TMPRSS11F: variants seen among roughly 807,000 people sequenced by gnomAD.
TMPRSS11F encodes the protein transmembrane protease serine 11F.
Under a neutral mutation model 60.2 loss-of-function variants are expected in TMPRSS11F, and 47 were observed. The observed-to-expected ratio is 0.78, with a 90% CI of 0.62 to 1.00. The LOEUF is 1.00. Ranked by LOEUF, TMPRSS11F falls within the 50% of genes least tolerant of loss-of-function variation. The pLI, the probability that TMPRSS11F is intolerant of heterozygous loss-of-function variation, is 0.00. For missense variants in TMPRSS11F, 519 were observed against 522.9 expected (o/e 0.99, Z 0.07); for synonymous variants, 166 against 167.3 (o/e 0.99, Z 0.06).
chr4:68,097,487 G>C (rs961370337), intron 2 of TMPRSS11F, among the ~76,000 whole-genome samples: 6 of 151,818 alleles, frequency 4.0e-5, no homozygotes, highest in Non-Finnish European at 7.4e-5. Flanking sequence ...GTTATATTTA[G>C]GACCTATCCA....
rs1560389816 is a variant in TMPRSS11F at position 68,056,441 on chromosome 4, TAGCAAAAAAAAA to T, written c.1159-2386_1159-2375del. On this transcript the variant is annotated intron_variant, in intron 9 of 9. Coordinates refer to ENST00000356291, the MANE Select transcript of TMPRSS11F (RefSeq NM_207407.2). ...ATTTACAATAGCAACAAAAAAAAAA[TAGCAAAAAAAAA>T]AAAACACTTGGGAGTAAATTTAACT... 2.2e-3 allele frequency among the ~76,000 whole-genome samples: 252 copies of T among 112,492 alleles called. 2 individuals are homozygous for T. Among genetic ancestry groups the T allele is most frequent in the African/African-American group, 8.4e-3 (246 of 29,414 alleles). 73.8% of individuals were successfully genotyped at this position (112,492 alleles called of 152,430 possible).
chr4:68,060,272 C>A (rs188323860), intron 8 of TMPRSS11F, among the ~76,000 whole-genome samples: 1 of 150,434 alleles, frequency 6.6e-6, no homozygotes, highest in Admixed American at 6.6e-5. Flanking sequence ...CTTTGGGAAG[C>A]GGAGGCGGGC....
intron 1 of TMPRSS11F, among the ~76,000 whole-genome samples, chr4:68,103,700 C>T (rs1724239986): frequency 6.6e-6 from 1 of 151,996 alleles, no homozygotes; most frequent in African/African-American, 2.4e-5. Context: ...TGAAGAATGC[C>T]AATGAGATTT....
rs112080826 is a variant in TMPRSS11F at position 68,085,556 on chromosome 4, C to G, written c.282+4967G>C. ...AAACAATCAGCTAACATGACAGGAA[C>G]AAAATATCATATATCAACACTAACT... is the stretch of plus-strand genomic sequence containing the variant. On this transcript the variant is annotated intron_variant, in intron 3 of 9. Transcript: ENST00000356291. Among the ~76,000 whole-genome samples the G allele has an allele frequency of 1.4e-3, 207 of 152,218 alleles. 3 individuals are homozygous for G. Among genetic ancestry groups the G allele is most frequent in the African/African-American group, 4.9e-3 (203 of 41,534 alleles).
At position 68,128,220 on chromosome 4, in the gene TMPRSS11F, T is replaced by C. The variant is rs76010518; in HGVS notation, c.11+1590A>G. Among the ~76,000 whole-genome samples, 163 of 152,274 alleles carry C rather than the reference T, an allele frequency of 1.1e-3. 4 individuals carry two copies. In the East Asian group the frequency reaches 0.029, roughly 27 times the overall value. On this transcript the variant is annotated intron_variant, in intron 1 of 9. Transcript: ENST00000356291. ...CCACTGTCTAAGCTTCTTATCTTTA[T>C]ACACAAGATATATTTTTTGACAGAA...
chr4:68,074,683 GCATTT>G (rs543708274), intron 3 of TMPRSS11F, among the ~76,000 whole-genome samples: 121 of 152,084 alleles, frequency 8.0e-4, no homozygotes, highest in Admixed American at 1.4e-3. Context: ...TATACCATCA[GCATTT>G]CATTACTTAG....
intron 1 of TMPRSS11F, among the ~76,000 whole-genome samples, chr4:68,100,376 T>C (rs940647997): frequency 6.6e-6 from 1 of 152,106 alleles, no homozygotes; most frequent in African/African-American, 2.4e-5. Flanking sequence ...CAGATGTGAA[T>C]GAGGATGGGG....
chr4:68,085,278 T>A (rs1577921807), intron 3 of TMPRSS11F, among the ~76,000 whole-genome samples: 2 of 151,518 alleles, frequency 1.3e-5, no homozygotes, highest in East Asian at 3.9e-4. Flanking sequence ...TCAAATGGTA[T>A]CTCTAGTTCT....
intron 3 of TMPRSS11F, among the ~76,000 whole-genome samples, chr4:68,081,133 C>A (rs1039589748): frequency 7.2e-5 from 11 of 151,996 alleles, no homozygotes; most frequent in African/African-American, 2.4e-4. Flanking sequence ...ATAAAGAGCC[C>A]AGTAAAGATG....
At chr4:68,092,515 C>T (rs574125255) in intron 2 of TMPRSS11F, among the ~76,000 whole-genome samples, 9 of 152,228 alleles carry the variant, frequency 5.9e-5, no homozygotes, top group Admixed American at 1.3e-4. Context: ...CAACAGTTTA[C>T]AATCTATTTG....
intron 7 of TMPRSS11F, among the ~76,000 whole-genome samples, chr4:68,065,485 C>T (rs563740137): frequency 1.8e-4 from 27 of 152,288 alleles, no homozygotes; most frequent in African/African-American, 5.8e-4. Context: ...CTCCTACCGC[C>T]CATGGATCTG....
At chr4:68,120,687 C>T (rs905369660) in intron 1 of TMPRSS11F, among the ~76,000 whole-genome samples, 3 of 152,122 alleles carry the variant, frequency 2.0e-5, no homozygotes, top group Non-Finnish European at 4.4e-5. Context: ...CGCGCCCGGC[C>T]GAGAAATCTT....
rs368836345 is a variant in TMPRSS11F at position 68,057,530 on chromosome 4, C to T, written c.1158+1796G>A. Among the ~76,000 whole-genome samples, 9 of 152,060 alleles carry T rather than the reference C, an allele frequency of 5.9e-5. No homozygotes were observed. The East Asian group carries it at 7.7e-4, about 13-fold the overall frequency. On this transcript the variant is annotated intron_variant, in intron 9 of 9. Transcript: ENST00000356291. ...ATTGTATCAAACTGAAAAGCTTGCA[C>T]GGCAAACAAAACAAAACAACAATTA...
intron 3 of TMPRSS11F, among the ~76,000 whole-genome samples, chr4:68,081,619 A>G (rs1043574840): frequency 1.3e-5 from 2 of 152,242 alleles, no homozygotes; most frequent in African/African-American, 4.8e-5. Context: ...ATTTTAAGTA[A>G]TTAATATTAA....
intron 3 of TMPRSS11F, chr4:68,080,299 A>T (rs1723664957): frequency 6.6e-6 from 1 of 152,270 alleles, no homozygotes; most frequent in Non-Finnish European, 1.5e-5. Context: ...CAAGCAAATA[A>T]ACTTTTCCTT....
chr4:68,070,278 T>A (rs1291027488), intron 5 of TMPRSS11F, among the ~76,000 whole-genome samples: 1 of 152,020 alleles, frequency 6.6e-6, no homozygotes, highest in Non-Finnish European at 1.5e-5. Context: ...ATTAGGAAAT[T>A]AGGAAATAAT....
chr4:68,060,432 C>T (rs1723140395), intron 8 of TMPRSS11F, among the ~76,000 whole-genome samples: 1 of 125,454 alleles, frequency 8.0e-6, no homozygotes. Flanking sequence ...AGGAGAACGG[C>T]GTGAACCTGG....
intron 3 of TMPRSS11F, among the ~76,000 whole-genome samples, chr4:68,088,830 A>G (rs886837524): frequency 6.6e-6 from 1 of 152,160 alleles, no homozygotes; most frequent in African/African-American, 2.4e-5. Flanking sequence ...TAAAATACCT[A>G]GGAATATATC....
Position 68,129,836 on chromosome 4 carries a change from G to A in TMPRSS11F, c.-16C>T, listed in dbSNP as rs1724784586. The A allele has an allele frequency of 1.2e-6, 2 of 1,612,964 alleles. No individual in the cohort carries two copies. Among genetic ancestry groups the A allele is most frequent in the African/African-American group, 1.3e-5 (1 of 74,892 alleles). On this transcript the variant is annotated 5_prime_UTR_variant, in exon 1 of 10. Transcript: ENST00000356291. ...CGTACATCATGAACCCAGGACTGGG[G>A]CAGCTTCTATTCAGTCACCATCTGA...
Sources: allele counts gnomAD v4.1 joint callset (sites outside exome capture counted in the v4.1 genomes callset), GRCh38; gene constraint gnomAD v4.1.1; transcripts MANE v1.5; gene names NCBI Gene and HGNC (gene_info 2026-07-23, HGNC 2026-07-21).